ADAMTS6: variants seen among roughly 807,000 people sequenced by gnomAD.
ADAMTS6 encodes A disintegrin and metalloproteinase with thrombospondin motifs 6.
Under a neutral mutation model 144.3 loss-of-function variants are expected in ADAMTS6, and 23 were observed. That is an observed-to-expected ratio of 0.16 (90% CI 0.11 to 0.23). The LOEUF (loss-of-function observed/expected upper bound fraction) is 0.23. Ranked by LOEUF, ADAMTS6 falls within the 10% of genes least tolerant of loss-of-function variation. ADAMTS6 has a pLI of 1.00. For missense variants in ADAMTS6, 999 were observed against 1,379.6 expected (o/e 0.72, Z 4.37); for synonymous variants, 444 against 457.5 (o/e 0.97, Z 0.38).
At chr5:65,275,387 GAAAGAAAGAAAGAA>G (rs1762415001) in intron 11 of ADAMTS6, among the ~76,000 whole-genome samples, 1 of 132,760 alleles carries the variant, frequency 7.5e-6, no homozygotes, top group Non-Finnish European at 1.6e-5. Flanking sequence ...AAGAAAGAAA[GAAAGAAAGAAAGAA>G]AGAAAGAAAG....
At chr5:65,228,397 C>T (rs1279537125) in intron 15 of ADAMTS6, among the ~76,000 whole-genome samples, 1 of 152,160 alleles carries the variant, frequency 6.6e-6, no homozygotes, top group African/African-American at 2.4e-5. Flanking sequence ...TTGTTTACTG[C>T]TGAAGATGTG....
chr5:65,456,170 A>C (rs1759182768), intron 4 of ADAMTS6, among the ~76,000 whole-genome samples: 1 of 152,070 alleles, frequency 6.6e-6, no homozygotes, highest in Admixed American at 6.5e-5. Context: ...TTGACTTCTT[A>C]ATGTTAAGCT....
chr5:65,424,376 C>T (rs1316826581), intron 7 of ADAMTS6, among the ~76,000 whole-genome samples: 1 of 152,170 alleles, frequency 6.6e-6, no homozygotes, highest in Non-Finnish European at 1.5e-5. Context: ...CAAACTCATC[C>T]ACCTATCAAC....
intron 9 of ADAMTS6, among the ~76,000 whole-genome samples, chr5:65,314,206 T>C (rs915935234): frequency 6.6e-6 from 1 of 152,064 alleles, no homozygotes; most frequent in Non-Finnish European, 1.5e-5. Context: ...ATGCTAGATA[T>C]CTGAAATGAT....
chr5:65,232,046 G>T (rs536378663), intron 15 of ADAMTS6, among the ~76,000 whole-genome samples: 2 of 152,224 alleles, frequency 1.3e-5, no homozygotes, highest in African/African-American at 4.8e-5. Flanking sequence ...GGGAAGTGGA[G>T]GTTGCAGTCA....
chr5:65,235,447 A>C (rs1478322953), intron 15 of ADAMTS6, among the ~76,000 whole-genome samples: 1 of 152,142 alleles, frequency 6.6e-6, no homozygotes, highest in African/African-American at 2.4e-5. Context: ...CAAAGTGTAG[A>C]TCCTGGGCGT....
At chr5:65,322,133 C>A (rs1033795680) in intron 9 of ADAMTS6, among the ~76,000 whole-genome samples, 1 of 152,158 alleles carries the variant, frequency 6.6e-6, no homozygotes, top group African/African-American at 2.4e-5. Context: ...GGAATCCTTT[C>A]CCCATTGCTT....
At chr5:65,387,837 G>A (rs542799225) in intron 7 of ADAMTS6, among the ~76,000 whole-genome samples, 138 of 152,272 alleles carry the variant, frequency 9.1e-4, no homozygotes, top group Middle Eastern at 6.8e-3. Context: ...AAACAACAGT[G>A]AACTTAAATA....
intron 7 of ADAMTS6, among the ~76,000 whole-genome samples, chr5:65,361,955 A>T (rs957201131): frequency 1.3e-5 from 2 of 152,066 alleles, no homozygotes; most frequent in African/African-American, 4.8e-5. Flanking sequence ...GGCTGGTCTC[A>T]AACTCCTGGG....
At chr5:65,200,061 T>C (rs1755634802) in intron 20 of ADAMTS6, among the ~76,000 whole-genome samples, 1 of 152,180 alleles carries the variant, frequency 6.6e-6, no homozygotes. Context: ...AATGTTATAT[T>C]AGACAGTGTG....
chr5:65,212,042 G>A (rs1222993970), intron 20 of ADAMTS6, among the ~76,000 whole-genome samples: 1 of 152,146 alleles, frequency 6.6e-6, no homozygotes, highest in Non-Finnish European at 1.5e-5. Flanking sequence ...ACACAAACTT[G>A]AGCGAGCAAC....
At chr5:65,447,368 T>C (rs1758350182) in intron 7 of ADAMTS6, among the ~76,000 whole-genome samples, 1 of 152,140 alleles carries the variant, frequency 6.6e-6, no homozygotes, top group South Asian at 2.1e-4. Flanking sequence ...CTTAATAAAG[T>C]ATGGGAGGCA....
chr5:65,439,090 G>A (rs962015879), intron 7 of ADAMTS6, among the ~76,000 whole-genome samples: 3 of 151,900 alleles, frequency 2.0e-5, no homozygotes, highest in Non-Finnish European at 2.9e-5. Context: ...GGAAAGTGAC[G>A]GAAAATCCCA....
chr5:65,190,449 A>T (rs548008045), intron 21 of ADAMTS6, among the ~76,000 whole-genome samples: 3 of 152,188 alleles, frequency 2.0e-5, no homozygotes, highest in Non-Finnish European at 2.9e-5. Flanking sequence ...ACTTTGCAAC[A>T]GTGATTTCAT....
At chr5:65,226,248 G>A (rs368522219) in intron 15 of ADAMTS6, 29 bp from the exon 16 acceptor site, 1 of 1,605,328 alleles carries the variant, frequency 6.2e-7, no homozygotes, top group South Asian at 1.1e-5. Flanking sequence ...AGAGAAATAA[G>A]TGGAGTGGTT....
intron 10 of ADAMTS6, among the ~76,000 whole-genome samples, chr5:65,293,701 C>A (rs921266484): frequency 1.3e-5 from 2 of 151,948 alleles, no homozygotes; most frequent in Non-Finnish European, 2.9e-5. Context: ...TTAAAAAATA[C>A]CAAACCAGAG....
chr5:65,414,904 T>A (rs1448790802), intron 7 of ADAMTS6, among the ~76,000 whole-genome samples: 1 of 151,934 alleles, frequency 6.6e-6, no homozygotes, highest in African/African-American at 2.4e-5. Context: ...TAGGAGTAAA[T>A]CTTTATGACC....
intron 7 of ADAMTS6, among the ~76,000 whole-genome samples, chr5:65,364,266 C>A (rs552386947): frequency 1.4e-4 from 21 of 152,250 alleles, no homozygotes; most frequent in African/African-American, 5.1e-4. Flanking sequence ...GACAGTTGAC[C>A]TCAGCCTTTT....
At chr5:65,318,226 G>C (rs1232237331) in intron 9 of ADAMTS6, among the ~76,000 whole-genome samples, 1 of 152,100 alleles carries the variant, frequency 6.6e-6, no homozygotes, top group Non-Finnish European at 1.5e-5. Context: ...AGGACAGAAA[G>C]TAACAAATGC....
Sources: allele counts gnomAD v4.1 joint callset (sites outside exome capture counted in the v4.1 genomes callset), GRCh38; gene constraint gnomAD v4.1.1; transcripts MANE v1.5; gene names NCBI Gene and HGNC (gene_info 2026-07-23, HGNC 2026-07-21).